FTCDNL1: variants seen among roughly 807,000 people sequenced by gnomAD.
FTCDNL1 encodes the protein formiminotransferase cyclodeaminase N-terminal like, also known as formiminotransferase N-terminal subdomain-containing protein.
In FTCDNL1, 11 loss-of-function variants were observed where a neutral mutation model predicts 5.9. The observed-to-expected ratio is 1.87, with a 90% CI of 1.18 to 3.10. The LOEUF (loss-of-function observed/expected upper bound fraction) is 3.10, where lower values mean the gene tolerates loss of function less well. FTCDNL1 is among the 30% of genes most tolerant of loss of function. The pLI, the probability that FTCDNL1 is intolerant of heterozygous loss-of-function variation, is 0.00. For missense variants in FTCDNL1, 115 were observed against 65.5 expected (o/e 1.76, Z -2.61); for synonymous variants, 58 against 24.8 (o/e 2.34, Z -3.99).
chr2:199,765,858 C>T (rs949073105), intron 3 of FTCDNL1, among the ~76,000 whole-genome samples: 104 of 151,908 alleles, frequency 6.8e-4, no homozygotes, highest in South Asian at 8.3e-4. Context: ...TCTTTTTTGA[C>T]TCCAGCCCAC....
At chr2:199,712,731 C>A in the FTCDNL1 span, among the ~76,000 whole-genome samples, 2 of 152,184 alleles carry the variant, frequency 1.3e-5, no homozygotes, top group African/African-American at 4.8e-5. Flanking sequence ...CACTGCCAAG[C>A]CTTGGCATTT....
At chr2:199,798,177 G>A (rs188179499) in intron 3 of FTCDNL1, among the ~76,000 whole-genome samples, 4 of 152,304 alleles carry the variant, frequency 2.6e-5, no homozygotes, top group Admixed American at 2.6e-4. Context: ...AACAGAACCT[G>A]AAGTCACTTG....
At chr2:199,820,054 C>T (rs1179358758) in intron 3 of FTCDNL1, among the ~76,000 whole-genome samples, 2 of 152,152 alleles carry the variant, frequency 1.3e-5, no homozygotes, top group Non-Finnish European at 2.9e-5. Flanking sequence ...ATTTCTAACC[C>T]ATTACAAATC....
downstream of FTCDNL1, among the ~76,000 whole-genome samples, chr2:199,808,669 A>G (rs1444589447): frequency 2.6e-5 from 4 of 152,234 alleles, no homozygotes; most frequent in Admixed American, 2.0e-4. Flanking sequence ...ACAACCCAAT[A>G]TGAATCAGTG....
At chr2:199,777,939 G>A (rs945342544) in intron 3 of FTCDNL1, among the ~76,000 whole-genome samples, 2 of 151,968 alleles carry the variant, frequency 1.3e-5, no homozygotes, top group African/African-American at 2.4e-5. Context: ...ATAGAATCAG[G>A]CTCTGTTTCA....
At chr2:199,844,673 A>G (rs2076681485) in intron 3 of FTCDNL1, 1 of 418,220 alleles carries the variant, frequency 2.4e-6, no homozygotes, top group African/African-American at 2.0e-5. Flanking sequence ...TGAAAAATAC[A>G]AAATCTAACC....
the FTCDNL1 span, among the ~76,000 whole-genome samples, chr2:199,680,764 T>C: frequency 0.049 from 7,400 of 152,242 alleles, 617 homozygotes; most frequent in African/African-American, 0.17. Flanking sequence ...CTATATGATA[T>C]TGGCAAATAA....
the FTCDNL1 span, among the ~76,000 whole-genome samples, chr2:199,728,404 G>T: frequency 1.4e-4 from 22 of 151,944 alleles, no homozygotes; most frequent in Non-Finnish European, 2.2e-4. Flanking sequence ...CCGCCACCAT[G>T]CCTGGCTAAT....
rs905634551 is a variant in FTCDNL1 at position 199,828,340 on chromosome 2, C to T, written c.212-8583G>A. ...CACATCAAGCAAATCATATTGGCCT[C>T]TTAAAGAAGATAATAATTCTGAATA... On this transcript the variant is annotated intron_variant, in intron 3 of 4. Coordinates refer to ENST00000420128, the MANE Select transcript of FTCDNL1 (RefSeq NM_001363886.2). 2.0e-5 allele frequency among the ~76,000 whole-genome samples: 3 copies of T among 152,192 alleles called. No homozygotes were observed. The East Asian group carries it at 5.8e-4, about 29-fold the overall frequency.
the FTCDNL1 span, among the ~76,000 whole-genome samples, chr2:199,722,533 G>A: frequency 6.6e-6 from 1 of 152,150 alleles, no homozygotes; most frequent in Non-Finnish European, 1.5e-5. Flanking sequence ...TAGCCTTGTA[G>A]TACAGTTTGA....
chr2:199,791,702 T>C (rs1230798872), intron 3 of FTCDNL1, among the ~76,000 whole-genome samples: 2 of 152,206 alleles, frequency 1.3e-5, no homozygotes, highest in Non-Finnish European at 2.9e-5. Context: ...CATATAATGT[T>C]ATGCAGTCAA....
At chr2:199,720,505 C>T in the FTCDNL1 span, among the ~76,000 whole-genome samples, 2 of 152,282 alleles carry the variant, frequency 1.3e-5, no homozygotes, top group African/African-American at 4.8e-5. Context: ...AGCAAGGTCA[C>T]GATCCCTCTA....
downstream of FTCDNL1, among the ~76,000 whole-genome samples, chr2:199,808,575 C>T (rs1700853340): frequency 6.6e-6 from 1 of 152,134 alleles, no homozygotes; most frequent in African/African-American, 2.4e-5. Context: ...TTTAAATAGG[C>T]CTTGCTCAAA....
At chr2:199,814,010 G>A (rs1041994476) in intron 4 of FTCDNL1, among the ~76,000 whole-genome samples, 2 of 150,732 alleles carry the variant, frequency 1.3e-5, no homozygotes, top group Non-Finnish European at 2.9e-5. Flanking sequence ...AAAACAGGAA[G>A]AAAGTTAAAA....
chr2:199,700,154 T>C, the FTCDNL1 span, among the ~76,000 whole-genome samples: 1 of 152,126 alleles, frequency 6.6e-6, no homozygotes, highest in African/African-American at 2.4e-5. Context: ...GAAACCCCCA[T>C]AGTCTCTGCC....
the FTCDNL1 span, among the ~76,000 whole-genome samples, chr2:199,687,979 G>T: frequency 1.3e-5 from 2 of 152,048 alleles, no homozygotes; most frequent in Non-Finnish European, 2.9e-5. Flanking sequence ...GCGTGTGGTG[G>T]CTCACGCCTG....
chr2:199,796,690 G>A (rs1700188002), intron 3 of FTCDNL1, among the ~76,000 whole-genome samples: 1 of 152,018 alleles, frequency 6.6e-6, no homozygotes, highest in African/African-American at 2.4e-5. Context: ...TGCTGCTAAA[G>A]TCTGGATCAA....
At chr2:199,683,993 G>A in the FTCDNL1 span, among the ~76,000 whole-genome samples, 12 of 152,138 alleles carry the variant, frequency 7.9e-5, no homozygotes, top group African/African-American at 2.9e-4. Flanking sequence ...TTTAATTGTG[G>A]GTGCAATCCA....
At chr2:199,723,745 C>T in the FTCDNL1 span, among the ~76,000 whole-genome samples, 42 of 151,976 alleles carry the variant, frequency 2.8e-4, no homozygotes, top group Non-Finnish European at 5.4e-4. Flanking sequence ...AACTTGATTG[C>T]GGTGGATAAG....
Sources: allele counts gnomAD v4.1 joint callset (sites outside exome capture counted in the v4.1 genomes callset), GRCh38; gene constraint gnomAD v4.1.1; transcripts MANE v1.5; gene names NCBI Gene and HGNC (gene_info 2026-07-23, HGNC 2026-07-21).